MCM3AP: variants seen among roughly 807,000 people sequenced by gnomAD.
The protein encoded by MCM3AP is minichromosome maintenance complex component 3 associated protein, also known as germinal-center associated nuclear protein.
In MCM3AP, 126 loss-of-function variants were observed where a neutral mutation model predicts 184.1. The ratio of observed to expected loss-of-function variants is 0.68; its 90% CI spans 0.59 to 0.79. The LOEUF is 0.79. Ranked by LOEUF, MCM3AP falls within the 30% of genes least tolerant of loss-of-function variation. The pLI, the probability that MCM3AP is intolerant of heterozygous loss-of-function variation, is 0.00. For synonymous variants in MCM3AP, 1,002 were observed against 979.3 expected, an observed-to-expected ratio of 1.02 and a Z score of -0.43; for missense variants, 2,496 against 2,479.2, an observed-to-expected ratio of 1.01 and a Z score of -0.14.
At chr21:46,277,929 T>C (rs540752337) in intron 4 of MCM3AP, among the ~76,000 whole-genome samples, 1 of 152,152 alleles carries the variant, frequency 6.6e-6, no homozygotes, top group Non-Finnish European at 1.5e-5. Flanking sequence ...AATTTTGAAA[T>C]ATTTCATACT....
Position 46,246,272 on chromosome 21 carries a change from A to G in MCM3AP, c.4647+35T>C, listed in dbSNP as rs748908402. On this transcript the variant is annotated intron_variant, in intron 22 of 27. Transcript: ENST00000291688. ...ACAGCAAAAGGGGAAAAAACAAAATATCTTGACAGACCATTAAAAATGATG... is the reference window on the plus strand; with the variant it reads ...ACAGCAAAAGGGGAAAAAACAAAATGTCTTGACAGACCATTAAAAATGATG... 3 of 1,347,694 alleles carry G rather than the reference A, an allele frequency of 2.2e-6. No individual in the cohort carries two copies. The South Asian group carries it at 3.5e-5, about 16-fold the overall frequency. 83.5% of individuals were successfully genotyped at this position (1,347,694 alleles called of 1,614,324 possible).
intron 15 of MCM3AP, among the ~76,000 whole-genome samples, chr21:46,259,592 GA>G (rs1364871845): frequency 6.6e-6 from 1 of 151,492 alleles, no homozygotes; most frequent in Non-Finnish European, 1.5e-5. Flanking sequence ...CATCATGGTA[GA>G]ACCCCGTCTC....
chr21:46,238,672 C>T lies in MCM3AP; in HGVS notation c.5634-1693G>A, dbSNP rs939684961. The stretch of plus-strand genomic sequence containing the variant: ...GCAGTGAGTCGAGATTGTGCCACTG[C>T]ACTCTAGCCTGGGCAACAGAGCGAG... On this transcript the variant is annotated intron_variant, in intron 26 of 27. Coordinates refer to ENST00000291688, the MANE Select transcript of MCM3AP (RefSeq NM_003906.5). Among the ~76,000 whole-genome samples, 4 of 65,028 alleles carry T rather than the reference C, an allele frequency of 6.2e-5. 1 individual carries two copies. Among genetic ancestry groups the T allele is most frequent in the African/African-American group, 2.6e-4 (4 of 15,346 alleles). 42.7% of individuals were successfully genotyped at this position (65,028 alleles called of 152,430 possible).
At chr21:46,255,433 T>G (rs973745571) in intron 17 of MCM3AP, among the ~76,000 whole-genome samples, 2 of 151,672 alleles carry the variant, frequency 1.3e-5, no homozygotes, top group Non-Finnish European at 1.5e-5. Context: ...CCCTCTGTTG[T>G]GGTGCTGAGG....
intron 15 of MCM3AP, among the ~76,000 whole-genome samples, chr21:46,259,728 C>T (rs1395781884): frequency 1.3e-5 from 2 of 151,606 alleles, no homozygotes; most frequent in African/African-American, 4.8e-5. Context: ...CTGGCTAACA[C>T]GGTGAAACCC....
At chr21:46,283,061 G>T (rs1449806540) in intron 2 of MCM3AP, among the ~76,000 whole-genome samples, 1 of 151,798 alleles carries the variant, frequency 6.6e-6, no homozygotes, top group African/African-American at 2.4e-5. Context: ...GAGTAGCTGA[G>T]ATGACAGGCG....
Position 46,256,851 on chromosome 21 carries a change from C to T in MCM3AP, c.3870G>A (p.Glu1290=). 1 of 1,578,020 alleles carries T rather than the reference C, an allele frequency of 6.3e-7. No individual in the cohort carries two copies. Among genetic ancestry groups the T allele is most frequent in the Non-Finnish European group, 8.6e-7 (1 of 1,161,708 alleles). Residue 1290 remains glutamate (E), a synonymous_variant, in exon 17 of 28, where the codon GAG becomes GAA. Transcript: ENST00000291688. ...GGTCCAGGAGGCCCCTGGCCAGGTT[C>T]TCTTCAGCAATGGGGCACTCTGCGC... ...APSAECPIAE[E]NLARGLLDLG...
chr21:46,277,420 G>T, intron 5 of MCM3AP, 107 bp downstream of exon 5: 1 of 792,552 alleles, frequency 1.3e-6, no homozygotes, highest in Non-Finnish European at 2.0e-6. Context: ...CAGGCTCTGA[G>T]ACTCAACAGC....
At chr21:46,270,685 T>G in intron 8 of MCM3AP, 122 bp from the exon 9 acceptor site, 1 of 857,008 alleles carries the variant, frequency 1.2e-6, no homozygotes, top group Non-Finnish European at 1.8e-6. Context: ...ACACCTGTAA[T>G]CCCAAAACGT....
intron 8 of MCM3AP, among the ~76,000 whole-genome samples, chr21:46,271,302 C>T (rs9982623): frequency 0.12 from 17,534 of 150,330 alleles, 1,115 homozygotes; most frequent in South Asian, 0.19. Context: ...GCTGTGATAA[C>T]AGGCCATGGG....
rs200634923 is a variant in MCM3AP at position 46,246,790 on chromosome 21, T to C, written c.4387A>G (p.Lys1463Glu). The C allele has an allele frequency of 5.0e-6, 8 of 1,614,208 alleles. No individual in the cohort carries two copies. In the African/African-American group the frequency reaches 8.0e-5, roughly 16 times the overall value. Reference sequence around the variant, plus strand: ...TCTGCCATGTCCTCACTCTTCATTTTGGGGGGAAGCAGCAGCATGAGCCCA... The same window carrying C: ...TCTGCCATGTCCTCACTCTTCATTTCGGGGGGAAGCAGCAGCATGAGCCCA... The part of the protein sequence containing the change: ...ASGLMLLLPP[K>E]MKSEDMAEED... Residue 1463 changes from lysine (K) to glutamate (E), a missense_variant, in exon 21 of 28, where the codon AAA becomes GAA. Transcript: ENST00000291688.
intron 12 of MCM3AP, 47 bp from the exon 13 acceptor site, chr21:46,264,264 C>A: frequency 8.1e-7 from 1 of 1,232,622 alleles, no homozygotes; most frequent in Non-Finnish European, 1.2e-6. Flanking sequence ...CCACCCAGGG[C>A]AGAAATGCTG....
In MCM3AP at chr21:46,277,953, A is replaced by C. The variant is rs17368547; in HGVS notation, c.1668-236T>G. 5.0e-3 allele frequency among the ~76,000 whole-genome samples: 754 copies of C among 152,318 alleles called. 3 individuals carry two copies. The highest frequency in any genetic ancestry group is 6.8e-3 in the Middle Eastern group (2 of 294). ...ATATTTCATACTTTTGAAAAACAAAATAGCCTGGGCAACATAGGGAGACCC... is the reference window on the plus strand; with the variant it reads ...ATATTTCATACTTTTGAAAAACAAACTAGCCTGGGCAACATAGGGAGACCC... On this transcript the variant is annotated intron_variant, in intron 4 of 27. Coordinates refer to ENST00000291688, the MANE Select transcript of MCM3AP (RefSeq NM_003906.5).
chr21:46,280,482 T>C lies in MCM3AP; in HGVS notation c.1522+15A>G, dbSNP rs974039889. On this transcript the variant is annotated intron_variant, in intron 3 of 27. Coordinates refer to ENST00000291688, the MANE Select transcript of MCM3AP (RefSeq NM_003906.5). The stretch of plus-strand genomic sequence containing the variant: ...TAATTTTTTTAAAAAGTGAAAAGAA[T>C]AATTGAAAACTCACTTATTTTCTTC... 7 of 1,556,692 alleles carry C rather than the reference T, an allele frequency of 4.5e-6. 1 individual carries two copies. The Admixed American group carries it at 1.2e-4, about 28-fold the overall frequency.
In MCM3AP at chr21:46,241,124, T is replaced by G. The variant is rs191118744; in HGVS notation, c.5427-107A>C. ...ACATGTGCATTAACATGTAAGAACA[T>G]GTGCCTCAGACACATGTGCCCTCCT... On this transcript the variant is annotated intron_variant, in intron 25 of 27. Transcript: ENST00000291688. 1.2e-4 allele frequency: 103 copies of G among 825,766 alleles called. No homozygotes were observed. The African/African-American group carries it at 1.4e-3, about 11-fold the overall frequency. The allele number at this position is 825,766 out of a possible 1,614,324, so 51.2% of individuals were successfully genotyped here.
In MCM3AP at chr21:46,285,577, T is replaced by C. The variant is rs1165447457; in HGVS notation, c.-291A>G. On this transcript the variant is annotated 5_prime_UTR_variant, in exon 1 of 28. Transcript: ENST00000291688. ...GTAGAGAGTGGTACAAATAATTACTTTGTTACAGAGGTTTAAAGCGTGATC... is the reference window on the plus strand; with the variant it reads ...GTAGAGAGTGGTACAAATAATTACTCTGTTACAGAGGTTTAAAGCGTGATC... 2.9e-6 allele frequency: 1 copy of C among 349,558 alleles called. No homozygotes were observed. Among genetic ancestry groups the C allele is most frequent in the Non-Finnish European group, 5.2e-6 (1 of 192,166 alleles). The allele number at this position is 349,558 out of a possible 1,614,324, so 21.7% of individuals were successfully genotyped here. A position where few individuals can be genotyped will look rare whatever the true frequency, so the allele number is the denominator to read the frequency against.
intron 12 of MCM3AP, among the ~76,000 whole-genome samples, chr21:46,264,531 C>T (rs574535478): frequency 6.6e-5 from 10 of 152,204 alleles, no homozygotes; most frequent in Admixed American, 2.6e-4. Flanking sequence ...GGCTGGTGCC[C>T]AGTGCCTGCC....
chr21:46,264,683 T>C (rs1319791848), intron 12 of MCM3AP, among the ~76,000 whole-genome samples: 1 of 151,860 alleles, frequency 6.6e-6, no homozygotes. Context: ...GCCAGGCTGG[T>C]CAAGGGGCTC....
Position 46,266,967 on chromosome 21 carries a change from A to G in MCM3AP, c.2789+15T>C, listed in dbSNP as rs1569072707. 1 of 1,613,928 alleles carries G rather than the reference A, an allele frequency of 6.2e-7. No homozygotes were observed. The highest frequency in any genetic ancestry group is 1.1e-5 in the South Asian group (1 of 91,042). ...AAGGAGACAGGGGCCCCACAGTTCC[A>G]TTCTCAGCTCTTACCCGTCGGAAAC... On this transcript the variant is annotated intron_variant, in intron 10 of 27. Transcript: ENST00000291688.
Sources: gnomAD v4.1 joint callset for allele counts (sites outside exome capture counted in the v4.1 genomes callset) on GRCh38, gnomAD v4.1.1 for gene constraint, MANE v1.5 for transcripts, NCBI Gene and HGNC (gene_info 2026-07-23, HGNC 2026-07-21) for gene names.